Variants in SNX29 observed in about 807,000 individuals in gnomAD.
SNX29 encodes sorting nexin 29.
In SNX29, 78 loss-of-function variants were observed where a neutral mutation model predicts 102.1. That is an observed-to-expected ratio of 0.76 (90% CI 0.64 to 0.92). The LOEUF is 0.92. Ranked by LOEUF, SNX29 falls within the 40% of genes least tolerant of loss-of-function variation. The pLI is 0.00. For synonymous variants in SNX29, 580 were observed against 414.5 expected (o/e 1.40, Z -4.85); for missense variants, 1,280 against 1,061.7 (o/e 1.21, Z -2.86).
rs12597211 is a variant in SNX29, at chr16:12,561,974, G to A, written c.2319-6532G>A. Among the ~76,000 whole-genome samples, 147 of 152,252 alleles carry A rather than the reference G, an allele frequency of 9.7e-4. 2 individuals carry two copies. The East Asian group carries it at 0.025, about 26-fold the overall frequency. The stretch of plus-strand genomic sequence containing the variant: ...CCTGGGGGCATGATGTCCCCAGAGT[G>A]TCTACCAGCTTGGTGACAATGGACC... On this transcript the variant is annotated intron_variant, in intron 20 of 20. Coordinates refer to ENST00000566228, the MANE Select transcript of SNX29 (RefSeq NM_032167.5).
intron 14 of SNX29, among the ~76,000 whole-genome samples, chr16:12,256,256 A>G (rs149746794): frequency 2.3e-4 from 35 of 152,270 alleles, no homozygotes; most frequent in African/African-American, 8.4e-4. Flanking sequence ...AGTTCCTTGT[A>G]TATTTTGGAT....
Position 12,129,682 on chromosome 16 carries a change from C to T in SNX29, c.1519C>T (p.Gln507Ter). The T allele has an allele frequency of 6.2e-7, 1 of 1,611,194 alleles. No individual in the cohort carries two copies. The highest frequency in any genetic ancestry group is 8.5e-7 in the Non-Finnish European group (1 of 1,179,572). Residue 507 changes from glutamine to a stop codon, truncating the protein, a stop_gained, in exon 13 of 21, where the codon CAA becomes TAA. Coordinates refer to ENST00000566228, the MANE Select transcript of SNX29 (RefSeq NM_032167.5). LOFTEE classifies it high-confidence loss of function. Reference sequence around the variant, plus strand: ...GATGGAGCACTCAGCCGCGCTCCGGCAAGAGGTGGACACCTTGAAAAGGAA... The same window carrying T: ...GATGGAGCACTCAGCCGCGCTCCGGTAAGAGGTGGACACCTTGAAAAGGAA... ...GEMEHSAALR[Q>*]EVDTLKRKVA...
At chr16:12,479,817 G>A (rs111430038) in intron 19 of SNX29, among the ~76,000 whole-genome samples, 2,282 of 152,262 alleles carry the variant, frequency 0.015, 29 homozygotes, top group Middle Eastern at 0.031. Flanking sequence ...CTTCTTCACG[G>A]AATCTGCCTG....
At chr16:12,425,566 A>T (rs1401549998) in intron 18 of SNX29, among the ~76,000 whole-genome samples, 5 of 151,130 alleles carry the variant, frequency 3.3e-5, no homozygotes, top group Admixed American at 3.3e-4. Context: ...AAAAGAGGGA[A>T]TAGAAAACAG....
At chr16:12,031,365 C>G (rs374667309) in intron 4 of SNX29, among the ~76,000 whole-genome samples, 3 of 151,916 alleles carry the variant, frequency 2.0e-5, no homozygotes, top group African/African-American at 4.8e-5. Flanking sequence ...AGCCACTGTT[C>G]CTGGCCCAAT....
chr16:12,060,885 G>A, intron 8 of SNX29: 1 of 456,120 alleles, frequency 2.2e-6, no homozygotes, highest in Non-Finnish European at 4.4e-6. Flanking sequence ...GTTAATAATT[G>A]AGCCGACTCC....
chr16:11,989,384 C>T (rs1238338118), intron 1 of SNX29, among the ~76,000 whole-genome samples: 3 of 152,206 alleles, frequency 2.0e-5, no homozygotes, highest in Admixed American at 2.0e-4. Flanking sequence ...CATGCAGAGC[C>T]TGTCTCTTTC....
In SNX29 at chr16:12,181,267, C is replaced by A. The variant is rs139890873; in HGVS notation, c.1596-18334C>A. ...TGCCCATGACACAGCCTCCGGAGGT[C>A]CCGAGGACATGTGCCCAAGGTGGTC... On this transcript the variant is annotated intron_variant, in intron 13 of 20. Transcript: ENST00000566228. 1.4e-3 allele frequency among the ~76,000 whole-genome samples: 210 copies of A among 152,274 alleles called. 1 individual carries two copies. The highest frequency in any genetic ancestry group is 4.9e-3 in the African/African-American group (202 of 41,552).
chr16:12,551,902 A>G (rs982735731), intron 20 of SNX29, among the ~76,000 whole-genome samples: 11 of 152,112 alleles, frequency 7.2e-5, no homozygotes, highest in East Asian at 1.9e-4. Context: ...TAAGGTAGGG[A>G]TCTCTATACC....
chr16:12,175,733 T>G (rs1009124165), intron 13 of SNX29, among the ~76,000 whole-genome samples: 6 of 151,666 alleles, frequency 4.0e-5, no homozygotes, highest in African/African-American at 1.5e-4. Context: ...TGTGGTATAA[T>G]AGCTCACACC....
intron 15 of SNX29, among the ~76,000 whole-genome samples, chr16:12,323,630 G>A (rs2081030236): frequency 6.6e-6 from 1 of 152,128 alleles, no homozygotes. Flanking sequence ...ATCCAGCATT[G>A]TTCACTGTCG....
At chr16:12,558,615 G>T (rs1213558232) in intron 20 of SNX29, among the ~76,000 whole-genome samples, 1 of 152,178 alleles carries the variant, frequency 6.6e-6, no homozygotes, top group Non-Finnish European at 1.5e-5. Context: ...TGCTCACACA[G>T]TGCAGGCCCC....
At chr16:12,534,312 A>C (rs566633427) in intron 20 of SNX29, among the ~76,000 whole-genome samples, 14 of 152,296 alleles carry the variant, frequency 9.2e-5, no homozygotes, top group African/African-American at 2.9e-4. Context: ...GCTCCTAATG[A>C]GGGCCTCTGT....
At chr16:11,978,458 T>G (rs2055349305) in intron 1 of SNX29, among the ~76,000 whole-genome samples, 1 of 152,204 alleles carries the variant, frequency 6.6e-6, no homozygotes, top group African/African-American at 2.4e-5. Context: ...CTCCTAGGCT[T>G]GTAATGACTA....
intron 19 of SNX29, among the ~76,000 whole-genome samples, chr16:12,487,937 A>G (rs1361802877): frequency 6.6e-6 from 1 of 152,206 alleles, no homozygotes; most frequent in East Asian, 1.9e-4. Flanking sequence ...TCTCTTTAAT[A>G]CAGTAAAAGC....
At chr16:12,183,611 C>T (rs1169414035) in intron 13 of SNX29, among the ~76,000 whole-genome samples, 1 of 152,196 alleles carries the variant, frequency 6.6e-6, no homozygotes, top group Non-Finnish European at 1.5e-5. Context: ...AGGATATTCT[C>T]CTACATTACC....
At position 12,569,807 on chromosome 16, in the gene SNX29, G is replaced by C. The variant is rs1334442794; in HGVS notation, c.*1178G>C. ...TAGCCGTCCTCAGATGCTCAGCAAA[G>C]TTGTGGCAGTTTGCATTTCTAGGGT... is the stretch of plus-strand genomic sequence containing the variant. On this transcript the variant is annotated 3_prime_UTR_variant, in exon 21 of 21. Coordinates refer to ENST00000566228, the MANE Select transcript of SNX29 (RefSeq NM_032167.5). The C allele has an allele frequency of 1.3e-5, 3 of 230,276 alleles. No individual in the cohort carries two copies. The highest frequency in any genetic ancestry group is 2.6e-5 in the Non-Finnish European group (3 of 116,276). 14.3% of individuals were successfully genotyped at this position (230,276 alleles called of 1,614,324 possible). A position where few individuals can be genotyped will look rare whatever the true frequency, so the allele number is the denominator to read the frequency against.
intron 18 of SNX29, among the ~76,000 whole-genome samples, chr16:12,453,862 T>G (rs1370676774): frequency 4.6e-5 from 7 of 152,212 alleles, no homozygotes; most frequent in Non-Finnish European, 8.8e-5. Flanking sequence ...GAATTTTTTT[T>G]GTCCCCTGGC....
chr16:12,297,548 G>T (rs990345324), intron 15 of SNX29, among the ~76,000 whole-genome samples: 1 of 151,808 alleles, frequency 6.6e-6, no homozygotes, highest in Admixed American at 6.6e-5. Context: ...AATTTGCTAA[G>T]AGAGATCTGA....
Sources: gnomAD v4.1 joint callset for allele counts (sites outside exome capture counted in the v4.1 genomes callset) on GRCh38, gnomAD v4.1.1 for gene constraint, MANE v1.5 for transcripts, NCBI Gene and HGNC (gene_info 2026-07-23, HGNC 2026-07-21) for gene names.